SEZ6: variants seen among roughly 807,000 people sequenced by gnomAD.
SEZ6 encodes seizure related 6 homolog.
In SEZ6, 53 loss-of-function variants were observed where a neutral mutation model predicts 101.0. The observed-to-expected ratio is 0.52, with a 90% CI of 0.42 to 0.66. The LOEUF (loss-of-function observed/expected upper bound fraction) is 0.66. SEZ6 is among the 30% of genes least tolerant of loss of function. SEZ6 has a pLI of 0.00. For missense variants in SEZ6, 1,102 were observed against 1,289.4 expected (o/e 0.85, Z 2.23); for synonymous variants, 488 against 512.2 (o/e 0.95, Z 0.64).
At chr17:28,962,321 C>T (rs142775431) in intron 5 of SEZ6, among the ~76,000 whole-genome samples, 2 of 152,338 alleles carry the variant, frequency 1.3e-5, no homozygotes, top group Non-Finnish European at 2.9e-5. Flanking sequence ...TGGAGTAGCT[C>T]TCCATCCCTT....
chr17:28,958,965 G>T, intron 10 of SEZ6, 60 bp downstream of exon 10: 1 of 1,537,210 alleles, frequency 6.5e-7, no homozygotes, highest in South Asian at 1.3e-5. Context: ...CACTGCCCTA[G>T]CCTCTTTGGC....
intron 3 of SEZ6, among the ~76,000 whole-genome samples, chr17:28,972,316 G>T (rs1434643702): frequency 6.6e-6 from 1 of 152,230 alleles, no homozygotes; most frequent in South Asian, 2.1e-4. Context: ...GGCTGCTGGA[G>T]AGACATTCCC....
At chr17:28,963,522 G>A (rs1368747790) in intron 5 of SEZ6, among the ~76,000 whole-genome samples, 1 of 152,128 alleles carries the variant, frequency 6.6e-6, no homozygotes, top group African/African-American at 2.4e-5. Context: ...TCACCTGCCT[G>A]CCTCTATGTC....
chr17:28,960,648 T>C lies in SEZ6; in HGVS notation c.1433A>G (p.Asn478Ser). The change falls in exon 7 of 17, where the codon AAC (asparagine) becomes AGC (serine). Residue 478 changes from asparagine to serine, a missense_variant. Physicochemically the swap from Asn to Ser is conservative, Grantham distance 46. This residue lies in a region of SEZ6 where 556 missense variants were observed against 735.1 expected (regional missense o/e 0.76). Coordinates refer to ENST00000317338, the MANE Select transcript of SEZ6 (RefSeq NM_178860.5). ...DDRLIIRNGD[N>S]VEAPPVYDSY... ...ATCATACACTGGTGGGGCCTCCACGTTGTCCCCATTGCGAATGATGAGCCT... is the reference window on the plus strand; with the variant it reads ...ATCATACACTGGTGGGGCCTCCACGCTGTCCCCATTGCGAATGATGAGCCT... 1 of 1,602,524 alleles carries C rather than the reference T, an allele frequency of 6.2e-7. No homozygotes were observed. Among genetic ancestry groups the C allele is most frequent in the Non-Finnish European group, 8.5e-7 (1 of 1,174,684 alleles).
At chr17:28,986,198 A>G (rs1322438026) in intron 1 of SEZ6, among the ~76,000 whole-genome samples, 1 of 152,248 alleles carries the variant, frequency 6.6e-6, no homozygotes, top group Non-Finnish European at 1.5e-5. Context: ...ATCGGCACTA[A>G]TGAGCCATTC....
chr17:28,988,913 T>C (rs953690822), intron 1 of SEZ6, among the ~76,000 whole-genome samples: 3 of 152,190 alleles, frequency 2.0e-5, no homozygotes, highest in African/African-American at 7.2e-5. Context: ...GCCCAACTAC[T>C]GGGAAGAGTG....
intron 5 of SEZ6, among the ~76,000 whole-genome samples, chr17:28,961,220 T>G (rs977234687): frequency 2.0e-5 from 3 of 152,018 alleles, no homozygotes; most frequent in Admixed American, 6.6e-5. Flanking sequence ...CCAGGGTAAC[T>G]CTCTTGACTG....
chr17:28,956,179 T>C lies in SEZ6; in HGVS notation c.2932A>G (p.Asn978Asp). The C allele has an allele frequency of 1.5e-6, 2 of 1,363,810 alleles. 1 individual carries two copies. Among genetic ancestry groups the C allele is most frequent in the South Asian group, 2.3e-5 (2 of 87,432 alleles). 84.5% of individuals were successfully genotyped at this position (1,363,810 alleles called of 1,614,324 possible). ...NRITIESAFD[N>D]PTYETGSLSF... is the part of the protein sequence containing the mutation. Reference sequence around the variant, plus strand: ...CTTACTCCAGTCTCGTAAGTTGGATTGTCAAACGCTGACTCTATGGTAATG... The same window carrying C: ...CTTACTCCAGTCTCGTAAGTTGGATCGTCAAACGCTGACTCTATGGTAATG... The change falls in exon 16 of 17, where the codon AAT (asparagine) becomes GAT (aspartate). Residue 978 changes from asparagine (N) to aspartate (D), a missense_variant. Asn to Asp is a conservative substitution (Grantham distance 23). Transcript: ENST00000317338.
chr17:29,002,639 G>C (rs997919783), intron 1 of SEZ6, among the ~76,000 whole-genome samples: 5 of 152,126 alleles, frequency 3.3e-5, no homozygotes, highest in Admixed American at 2.0e-4. Flanking sequence ...GTCTCCCATG[G>C]GGCCTTGTCC....
chr17:28,955,320 C>T lies in SEZ6; in HGVS notation c.*642G>A. 4.0e-6 allele frequency: 1 copy of T among 253,146 alleles called. No individual in the cohort carries two copies. The highest frequency in any genetic ancestry group is 7.9e-6 in the Non-Finnish European group (1 of 126,002). The allele number at this position is 253,146 out of a possible 1,614,324, so 15.7% of individuals were successfully genotyped here. ...CCTGCTTTGGTGTGGAGCATGAGTG[C>T]CCAGGGAAGCCCAACCTGAGGTGGG... On this transcript the variant is annotated 3_prime_UTR_variant, in exon 17 of 17. Transcript: ENST00000317338.
intron 3 of SEZ6, among the ~76,000 whole-genome samples, chr17:28,974,047 C>A (rs887023081): frequency 6.6e-5 from 10 of 152,320 alleles, no homozygotes; most frequent in African/African-American, 2.2e-4. Flanking sequence ...CTTCTGCCAA[C>A]CTCTAGCTCA....
At chr17:28,956,653 G>T in intron 14 of SEZ6, 66 bp downstream of exon 14, 1 of 1,546,766 alleles carries the variant, frequency 6.5e-7, no homozygotes, top group South Asian at 1.2e-5. Context: ...GGAAGCCCAT[G>T]ACCTGGGAGC....
At chr17:28,986,052 A>T (rs1303214730) in intron 1 of SEZ6, among the ~76,000 whole-genome samples, 1 of 152,126 alleles carries the variant, frequency 6.6e-6, no homozygotes, top group Non-Finnish European at 1.5e-5. Flanking sequence ...GGAACTTCCC[A>T]GCGCCTGCCG....
chr17:28,962,705 C>T lies in SEZ6; in HGVS notation c.1240+1257G>A, dbSNP rs1409963302. ...GTGAGGCAGAAGAATCGCTTGAACC[C>T]GGGAGGTGGAGGTTGCAGTGAGCGG... is the stretch of plus-strand genomic sequence containing the variant. On this transcript the variant is annotated intron_variant, in intron 5 of 16. Transcript: ENST00000317338. 6.1e-5 allele frequency among the ~76,000 whole-genome samples: 9 copies of T among 147,080 alleles called. 1 individual carries two copies. In the Admixed American group the frequency reaches 6.2e-4, roughly 10 times the overall value.
chr17:28,985,649 C>T (rs776675410), intron 1 of SEZ6, among the ~76,000 whole-genome samples: 18 of 152,228 alleles, frequency 1.2e-4, no homozygotes, highest in Non-Finnish European at 1.9e-4. Flanking sequence ...CAGGGGAACA[C>T]TGAGGCAGGC....
rs1443994023 is a variant in SEZ6 at position 28,956,254 on chromosome 17, C to T, written c.2857G>A (p.Gly953Arg). 2.5e-6 allele frequency: 4 copies of T among 1,598,566 alleles called. No individual in the cohort carries two copies. Among genetic ancestry groups the T allele is most frequent in the Non-Finnish European group, 3.4e-6 (4 of 1,173,000 alleles). ...GVYFYFSRLQ[G>R]KSSLQLPRPR... ...CGGGGCAGCTGCAGGGAGCTTTTTC[C>T]CTGGAGCCTGTGGGGCAGAGAAGCC... The change falls in exon 16 of 17, where the codon GGA (glycine) becomes AGA (arginine). Residue 953 changes from glycine to arginine, a missense_variant. By Grantham distance (125) the Gly-to-Arg change is moderately radical. Transcript: ENST00000317338.
chr17:29,000,660 G>A (rs549343336), intron 1 of SEZ6, among the ~76,000 whole-genome samples: 34 of 152,256 alleles, frequency 2.2e-4, no homozygotes, highest in African/African-American at 8.2e-4. Context: ...ATTCATGTTG[G>A]TCCCTGCAAG....
At position 28,972,015 on chromosome 17, in the gene SEZ6, C is replaced by T. The variant is rs1431196267; in HGVS notation, c.859-2063G>A. On this transcript the variant is annotated intron_variant, in intron 3 of 16. Transcript: ENST00000317338. ...CCAGTATCTCTGCGGCCCTCATTAA[C>T]GTGCACTGCAGCCGCAGACCACCCC... Among the ~76,000 whole-genome samples, 5 of 152,276 alleles carry T rather than the reference C, an allele frequency of 3.3e-5. No homozygotes were observed. In the South Asian group the frequency reaches 6.2e-4, roughly 19 times the overall value.
Position 28,981,509 on chromosome 17 carries a change from C to A in SEZ6, c.586G>T (p.Val196Phe). The change falls in exon 2 of 17, where the codon GTT (valine) becomes TTT (phenylalanine). Residue 196 changes from valine (V) to phenylalanine (F), a missense_variant. This residue lies in a region of SEZ6 where 406 missense variants were observed against 418.6 expected (regional missense o/e 0.97). Transcript: ENST00000317338. ...GCGCCCTGGGACACAACCTCTGCAA[C>A]CCACGGCCTTCCCATGTCTCCAGGA... ...EGPGDMGRPW[V>F]AEVVSQGAGI... The A allele has an allele frequency of 6.2e-7, 1 of 1,609,586 alleles. No homozygotes were observed. The highest frequency in any genetic ancestry group is 8.5e-7 in the Non-Finnish European group (1 of 1,177,878).
Sources: gnomAD v4.1 joint callset for allele counts (sites outside exome capture counted in the v4.1 genomes callset) on GRCh38, gnomAD v4.1.1 for gene constraint, gnomAD v4.1.1 regional missense constraint, MANE v1.5 for transcripts, NCBI Gene and HGNC (gene_info 2026-07-23, HGNC 2026-07-21) for gene names.